C9orf152: variants seen among roughly 807,000 people sequenced by gnomAD.
C9orf152 encodes chromosome 9 open reading frame 152.
In C9orf152, 8 loss-of-function variants were observed where a neutral mutation model predicts 8.5. The observed-to-expected ratio is 0.94, with a 90% CI of 0.55 to 1.70. C9orf152 has a LOEUF of 1.70. Ranked by LOEUF, C9orf152 falls within the 40% of genes most tolerant of loss-of-function variation. The pLI is 0.00. For missense variants in C9orf152, 293 were observed against 286.2 expected, an observed-to-expected ratio of 1.02 and a Z score of -0.17; for synonymous variants, 109 against 113.0, an observed-to-expected ratio of 0.96 and a Z score of 0.22.
chr9:110,203,855 G>A (rs998905281), intron 1 of C9orf152, among the ~76,000 whole-genome samples: 18 of 152,124 alleles, frequency 1.2e-4, no homozygotes, highest in South Asian at 6.2e-4. Context: ...TGAAGGAAGC[G>A]GGTGGAGAGA....
chr9:110,206,005 C>T (rs1256060533), intron 1 of C9orf152, among the ~76,000 whole-genome samples: 1 of 151,358 alleles, frequency 6.6e-6, no homozygotes, highest in African/African-American at 2.4e-5. Context: ...TTCAGTGAGC[C>T]GAGATTGCAC....
chr9:110,200,936 G>C lies in C9orf152; in HGVS notation c.*12C>G, dbSNP rs1837209029. On this transcript the variant is annotated 3_prime_UTR_variant, in exon 2 of 2. Transcript: ENST00000400613. ...GGCCTCAAGGTCAAGACATCTGGCA[G>C]AATAGAAAGCTTCACGCTGAGCCAT... is the stretch of plus-strand genomic sequence containing the variant. 2 of 1,582,976 alleles carry C rather than the reference G, an allele frequency of 1.3e-6. No individual in the cohort carries two copies. The highest frequency in any genetic ancestry group is 1.7e-6 in the Non-Finnish European group (2 of 1,167,460).
At chr9:110,205,122 C>A (rs1837259756) in intron 1 of C9orf152, among the ~76,000 whole-genome samples, 1 of 152,142 alleles carries the variant, frequency 6.6e-6, no homozygotes, top group Non-Finnish European at 1.5e-5. Context: ...TTATCCATGC[C>A]CATGGCTTCA....
Position 110,200,976 on chromosome 9 carries a change from CG to C in C9orf152, c.691del (p.Arg231GlyfsTer47), listed in dbSNP as rs770819760. The C allele has an allele frequency of 1.9e-5, 31 of 1,612,534 alleles. No homozygotes were observed. The highest frequency in any genetic ancestry group is 2.6e-5 in the Non-Finnish European group (31 of 1,179,360). ...CGCTGAGCCATATAAGCCCAGGTTC[CG>C]GGCAGCTTGGGAGATCCTGGGTGTT... ...RKTPRISQAA[R>X]NLGLYGSA is the part of the protein sequence containing the mutation. On this transcript the variant is annotated frameshift_variant, in exon 2 of 2. Transcript: ENST00000400613. LOFTEE classifies it high-confidence loss of function.
chr9:110,207,833 G>C lies in C9orf152; in HGVS notation c.-254C>G, dbSNP rs773025628. 2.2e-5 allele frequency: 10 copies of C among 452,610 alleles called. No homozygotes were observed. Among genetic ancestry groups the C allele is most frequent in the Non-Finnish European group, 3.5e-5 (9 of 258,910 alleles). 28.0% of individuals were successfully genotyped at this position (452,610 alleles called of 1,614,324 possible). ...GCAGTAAGAGGAGAAGGAAATGTCA[G>C]AGGAAAGAAGGGGCAGCGAAGGGGG... On this transcript the variant is annotated 5_prime_UTR_variant, in exon 1 of 2. Coordinates refer to ENST00000400613, the MANE Select transcript of C9orf152 (RefSeq NM_001012993.3).
intron 1 of C9orf152, among the ~76,000 whole-genome samples, chr9:110,206,893 T>C (rs543743181): frequency 6.6e-6 from 1 of 152,244 alleles, no homozygotes; most frequent in Non-Finnish European, 1.5e-5. Context: ...AGGGGGTTTC[T>C]GTGTCCAATC....
chr9:110,203,083 T>G (rs961903010), intron 1 of C9orf152, among the ~76,000 whole-genome samples: 10 of 149,182 alleles, frequency 6.7e-5, no homozygotes, highest in Non-Finnish European at 1.3e-4. Context: ...GGCGCGATCT[T>G]GGCTCACTGC....
rs150763293 is a variant in C9orf152 at position 110,200,560 on chromosome 9, T to C, written c.*388A>G. The C allele has an allele frequency of 1.0e-3, 175 of 169,940 alleles. No individual in the cohort carries two copies. Among genetic ancestry groups the C allele is most frequent in the African/African-American group, 3.9e-3 (166 of 42,236 alleles). 10.5% of individuals were successfully genotyped at this position (169,940 alleles called of 1,614,324 possible). A position where few individuals can be genotyped will look rare whatever the true frequency, so the allele number is the denominator to read the frequency against. On this transcript the variant is annotated 3_prime_UTR_variant, in exon 2 of 2. Transcript: ENST00000400613. ...ATTGAAAACAAGAATGCCACGCCCA[T>C]TGACCCCTGGGCATTGCTAAGGCAT...
Position 110,207,404 on chromosome 9 carries a change from A to G in C9orf152, c.176T>C (p.Leu59Pro). Residue 59 changes from leucine (L) to proline (P), a missense_variant, in exon 1 of 2, where the codon CTC becomes CCC. Physicochemically the swap from Leu to Pro is moderately conservative, Grantham distance 98 (BLOSUM62 -3). Coordinates refer to ENST00000400613, the MANE Select transcript of C9orf152 (RefSeq NM_001012993.3). The stretch of plus-strand genomic sequence containing the variant: ...ATTCCTACCTTTTGGAAGCACCAGG[A>G]GGTGGGCCTGGGTCCTCTGCTGCCT... ...LKRQQRTQAH[L>P]LVLPKGGNTP... 6.2e-7 allele frequency: 1 copy of G among 1,612,394 alleles called. No individual in the cohort carries two copies. The highest frequency in any genetic ancestry group is 1.3e-5 in the African/African-American group (1 of 74,982).
At chr9:110,203,125 G>A (rs1837240770) in intron 1 of C9orf152, among the ~76,000 whole-genome samples, 1 of 149,994 alleles carries the variant, frequency 6.7e-6, no homozygotes, top group Non-Finnish European at 1.5e-5. Flanking sequence ...GGGTTCAAGC[G>A]ATTCTCCTGC....
chr9:110,203,153 C>A (rs1837240995), intron 1 of C9orf152, among the ~76,000 whole-genome samples: 1 of 151,658 alleles, frequency 6.6e-6, no homozygotes, highest in Admixed American at 6.6e-5. Flanking sequence ...TCCCGAGTAG[C>A]TGGGTCTATA....
rs940516667 is a variant in C9orf152 at position 110,207,386 on chromosome 9, C to A, written c.193+1G>T. On this transcript the variant is annotated splice_donor_variant, in intron 1 of 1. Coordinates refer to ENST00000400613, the MANE Select transcript of C9orf152 (RefSeq NM_001012993.3). LOFTEE classifies it high-confidence loss of function. ...CTTCCCCAGCACCTGTCCATTCCTA[C>A]CTTTTGGAAGCACCAGGAGGTGGGC... 1.2e-6 allele frequency: 2 copies of A among 1,612,020 alleles called. No individual in the cohort carries two copies. Among genetic ancestry groups the A allele is most frequent in the Admixed American group, 1.7e-5 (1 of 59,630 alleles).
At position 110,201,320 on chromosome 9, in the gene C9orf152, T is replaced by C. The variant is rs1422900411; in HGVS notation, c.348A>G (p.Pro116=). ...AATGCATCTCCAGGTGCGTGTGCCA[T>C]GGAGACTTGGGGGCCTGAAGGCAGC... ...AQGCLQAPKS[P]WHTHLEMHCL... Residue 116 remains proline (P), a synonymous_variant, in exon 2 of 2, where the codon CCA becomes CCG. Transcript: ENST00000400613. 2.5e-6 allele frequency: 4 copies of C among 1,613,204 alleles called. No individual in the cohort carries two copies. The South Asian group carries it at 3.3e-5, about 13-fold the overall frequency.
chr9:110,201,392 T>G lies in C9orf152; in HGVS notation c.276A>C (p.Glu92Asp). The change falls in exon 2 of 2, where the codon GAA (glutamate) becomes GAC (aspartate). Residue 92 changes from glutamate to aspartate, a missense_variant. Glu to Asp is a conservative substitution (Grantham distance 45). Coordinates refer to ENST00000400613, the MANE Select transcript of C9orf152 (RefSeq NM_001012993.3). ...TCCCCTCCACCTCAGAATCTGCCTC[T>G]TCCAGGGACAGTGAGCTTCTTCTCT... Reference protein sequence around the residue: ...NKERRSSLSLEEADSEVEGRL... With the variant: ...NKERRSSLSLDEADSEVEGRL... 6.3e-7 allele frequency: 1 copy of G among 1,583,302 alleles called. No individual in the cohort carries two copies. Among genetic ancestry groups the G allele is most frequent in the Non-Finnish European group, 8.6e-7 (1 of 1,167,676 alleles).
chr9:110,206,893 T>G (rs543743181), intron 1 of C9orf152, among the ~76,000 whole-genome samples: 1 of 152,244 alleles, frequency 6.6e-6, no homozygotes, highest in Non-Finnish European at 1.5e-5. Context: ...AGGGGGTTTC[T>G]GTGTCCAATC....
chr9:110,207,474 G>A lies in C9orf152; in HGVS notation c.106C>T (p.Pro36Ser), dbSNP rs776357498. ...SRTQAPGKGP[P>S]LSIQFLRAQY... ...GCTCGCAGGAACTGGATGCTGAGTGGGGGCCCTTTCCCAGGGGCCTGAGTC... is the reference window on the plus strand; with the variant it reads ...GCTCGCAGGAACTGGATGCTGAGTGAGGGCCCTTTCCCAGGGGCCTGAGTC... Residue 36 changes from proline (P) to serine (S), a missense_variant, in exon 1 of 2, where the codon CCA (proline) becomes TCA (serine). Physicochemically the swap from Pro to Ser is moderately conservative, Grantham distance 74. Coordinates refer to ENST00000400613, the MANE Select transcript of C9orf152 (RefSeq NM_001012993.3). The A allele has an allele frequency of 3.4e-5, 55 of 1,613,430 alleles. No individual in the cohort carries two copies. The Admixed American group carries it at 9.2e-4, about 27-fold the overall frequency.
At position 110,204,063 on chromosome 9, in the gene C9orf152, G is replaced by C. The variant is rs116166920; in HGVS notation, c.194-2589C>G. Among the ~76,000 whole-genome samples, 561 of 152,236 alleles carry C rather than the reference G, an allele frequency of 3.7e-3. 5 individuals carry two copies. Among genetic ancestry groups the C allele is most frequent in the African/African-American group, 0.013 (529 of 41,534 alleles). On this transcript the variant is annotated intron_variant, in intron 1 of 1. Transcript: ENST00000400613. Reference sequence around the variant, plus strand: ...ATCTATAAATGGAGATCTTAAAAAGGGAGCTACCTTACAAGGCTGCCAGGA... The same window carrying C: ...ATCTATAAATGGAGATCTTAAAAAGCGAGCTACCTTACAAGGCTGCCAGGA...
At position 110,207,995 on chromosome 9, in the gene C9orf152, G is replaced by A. The variant is rs148491918; in HGVS notation, c.-416C>T. On this transcript the variant is annotated 5_prime_UTR_variant, in exon 1 of 2. Coordinates refer to ENST00000400613, the MANE Select transcript of C9orf152 (RefSeq NM_001012993.3). ...GGAGTGGGAGACCGAGAAGTAAGGG[G>A]AGGACTGGGGGAGCAAAGAGAAAGG... 64 of 189,430 alleles carry A rather than the reference G, an allele frequency of 3.4e-4. No individual in the cohort carries two copies. The highest frequency in any genetic ancestry group is 1.5e-3 in the African/African-American group (63 of 41,938). The allele number at this position is 189,430 out of a possible 1,614,324, so 11.7% of individuals were successfully genotyped here. A position where few individuals can be genotyped will look rare whatever the true frequency, so the allele number is the denominator to read the frequency against.
intron 1 of C9orf152, among the ~76,000 whole-genome samples, chr9:110,201,799 C>T (rs555125727): frequency 3.2e-4 from 48 of 152,288 alleles, no homozygotes; most frequent in African/African-American, 1.1e-3. Flanking sequence ...CCACACCTTC[C>T]GGGGTGTGTC....
Sources: allele counts gnomAD v4.1 joint callset (sites outside exome capture counted in the v4.1 genomes callset), GRCh38; gene constraint gnomAD v4.1.1; transcripts MANE v1.5; gene names NCBI Gene and HGNC (gene_info 2026-07-23, HGNC 2026-07-21).